Variants in CNTN5 observed in about 807,000 individuals in gnomAD.
The protein encoded by CNTN5 is contactin-5.
In CNTN5, 77 loss-of-function variants were observed where a neutral mutation model predicts 129.1. The ratio of observed to expected loss-of-function variants is 0.60; its 90% confidence interval spans 0.50 to 0.72. The LOEUF (loss-of-function observed/expected upper bound fraction) is 0.72, where lower values mean the gene tolerates loss of function less well. Ranked by LOEUF, CNTN5 falls within the 30% of genes least tolerant of loss-of-function variation. The probability of loss-of-function intolerance (pLI) is 0.00; values close to 1 mark genes in which losing one functional copy is unlikely to be tolerated. For missense variants in CNTN5, 1,478 were observed against 1,328.8 expected, an observed-to-expected ratio of 1.11 and a Z score of -1.75; for synonymous variants, 509 against 465.6, an observed-to-expected ratio of 1.09 and a Z score of -1.20.
intron 13 of CNTN5, among the ~76,000 whole-genome samples, chr11:100,173,625 A>C (rs75306523): frequency 0.017 from 2,553 of 152,236 alleles, 65 homozygotes; most frequent in African/African-American, 0.058. Flanking sequence ...AAAATGGTAG[A>C]GGTGGTAGTT....
chr11:99,166,522 A>G (rs1447566577), intron 1 of CNTN5, among the ~76,000 whole-genome samples: 1 of 152,190 alleles, frequency 6.6e-6, no homozygotes, highest in Non-Finnish European at 1.5e-5. Flanking sequence ...CAAAACAAAA[A>G]AATTGTGTAC....
chr11:99,981,625 T>G (rs1938355213), intron 8 of CNTN5, among the ~76,000 whole-genome samples: 1 of 152,178 alleles, frequency 6.6e-6, no homozygotes. Flanking sequence ...CAATTAAAAT[T>G]AACCATCACA....
chr11:99,427,644 T>C (rs1210831151), intron 2 of CNTN5, among the ~76,000 whole-genome samples: 1 of 151,534 alleles, frequency 6.6e-6, no homozygotes, highest in Non-Finnish European at 1.5e-5. Flanking sequence ...CACACACCTG[T>C]AGTCCCAGGT....
intron 1 of CNTN5, among the ~76,000 whole-genome samples, chr11:99,290,138 C>G (rs937459010): frequency 6.6e-6 from 1 of 151,562 alleles, no homozygotes; most frequent in Non-Finnish European, 1.5e-5. Context: ...AACTTAGGAC[C>G]CTTATATACT....
intron 3 of CNTN5, among the ~76,000 whole-genome samples, chr11:99,783,122 T>G (rs1457900492): frequency 9.0e-5 from 7 of 78,162 alleles, no homozygotes; most frequent in Admixed American, 1.3e-4. Flanking sequence ...CAAACAAATT[T>G]ACAAGAAAAA....
Position 99,727,322 on chromosome 11 carries a change from A to G in CNTN5, c.56-92222A>G, listed in dbSNP as rs865936098. ...AGCGAGACTCCGTCTCAAAAAAAAA[A>G]AAAAAAAAAAAATTCCAGGGCATTG... On this transcript the variant is annotated intron_variant, in intron 3 of 24. Transcript: ENST00000524871. Among the ~76,000 whole-genome samples the G allele has an allele frequency of 1.9e-3, 242 of 126,816 alleles. 19 individuals are homozygous for G. Among genetic ancestry groups the G allele is most frequent in the African/African-American group, 6.6e-3 (223 of 33,944 alleles). 83.2% of individuals were successfully genotyped at this position (126,816 alleles called of 152,430 possible).
chr11:100,156,330 C>T (rs943093885), intron 13 of CNTN5, among the ~76,000 whole-genome samples: 2 of 152,088 alleles, frequency 1.3e-5, no homozygotes, highest in Admixed American at 1.3e-4. Flanking sequence ...GTTGAACCAG[C>T]CCTGCATCCC....
rs555610306 is a variant in CNTN5 at position 100,031,572 on chromosome 11, A to C, written c.980+29436A>C. On this transcript the variant is annotated intron_variant, in intron 9 of 24. Coordinates refer to ENST00000524871, the MANE Select transcript of CNTN5 (RefSeq NM_014361.4). ...TAGGGTTAAGGTATACTCCCTTCTG[A>C]GAATTTCTGGTCTAACCAGTTGTCT... 5.9e-5 allele frequency among the ~76,000 whole-genome samples: 9 copies of C among 152,224 alleles called. No homozygotes were observed. The South Asian group carries it at 1.9e-3, about 32-fold the overall frequency.
At chr11:99,552,208 T>TTTTG (rs1246667350) in intron 2 of CNTN5, among the ~76,000 whole-genome samples, 12 of 129,250 alleles carry the variant, frequency 9.3e-5, no homozygotes, top group African/African-American at 3.8e-4. Context: ...ACCTGGTCAG[T>TTTTG]TTTTGTGTTT....
chr11:99,443,942 A>T (rs1343259405), intron 2 of CNTN5, among the ~76,000 whole-genome samples: 2 of 152,154 alleles, frequency 1.3e-5, no homozygotes, highest in African/African-American at 4.8e-5. Flanking sequence ...TCACGCGTGT[A>T]ATCCCAGCAC....
At chr11:100,277,712 T>C (rs1950545432) in intron 18 of CNTN5, among the ~76,000 whole-genome samples, 1 of 152,126 alleles carries the variant, frequency 6.6e-6, no homozygotes, top group Non-Finnish European at 1.5e-5. Context: ...TATATTCTGT[T>C]TATCAATCCT....
chr11:99,964,379 T>G (rs982274330), intron 8 of CNTN5, among the ~76,000 whole-genome samples: 7 of 152,220 alleles, frequency 4.6e-5, no homozygotes, highest in Non-Finnish European at 8.8e-5. Context: ...ATTGTTGAAT[T>G]TTGTCAAAGG....
At chr11:99,270,874 G>A (rs915248842) in intron 1 of CNTN5, among the ~76,000 whole-genome samples, 5 of 151,934 alleles carry the variant, frequency 3.3e-5, no homozygotes, top group African/African-American at 1.2e-4. Context: ...ATGCATGTTT[G>A]TATTCAACGT....
chr11:99,631,901 C>A (rs970360088), intron 3 of CNTN5, among the ~76,000 whole-genome samples: 1 of 152,056 alleles, frequency 6.6e-6, no homozygotes, highest in African/African-American at 2.4e-5. Context: ...AGAGACAGAC[C>A]ACATTCGTGT....
At chr11:100,313,812 A>G (rs1951523134) in intron 21 of CNTN5, among the ~76,000 whole-genome samples, 1 of 152,086 alleles carries the variant, frequency 6.6e-6, no homozygotes, top group South Asian at 2.1e-4. Context: ...GAGGCTGGCA[A>G]GAATAAATCA....
Position 100,249,221 on chromosome 11 carries a change from T to C in CNTN5, c.2006-6539T>C, listed in dbSNP as rs1040722344. On this transcript the variant is annotated intron_variant, in intron 16 of 24. Transcript: ENST00000524871. ...AAGGAGATATATATATATGTACACA[T>C]ATACATTTTATTCACTTTTCAGCTT... 8.2e-4 allele frequency among the ~76,000 whole-genome samples: 125 copies of C among 152,324 alleles called. 1 individual carries two copies. The highest frequency in any genetic ancestry group is 2.9e-3 in the African/African-American group (119 of 41,576).
At chr11:99,463,387 G>C (rs1265828125) in intron 2 of CNTN5, among the ~76,000 whole-genome samples, 1 of 139,142 alleles carries the variant, frequency 7.2e-6, no homozygotes, top group Non-Finnish European at 1.5e-5. Context: ...ACAGTGAGCC[G>C]AGATCGCGCC....
At chr11:99,742,106 T>A (rs1178777933) in intron 3 of CNTN5, among the ~76,000 whole-genome samples, 1 of 152,106 alleles carries the variant, frequency 6.6e-6, no homozygotes, top group East Asian at 1.9e-4. Context: ...GTCCATGTAA[T>A]TATAACACAA....
chr11:99,798,519 G>A (rs113122046), intron 3 of CNTN5, among the ~76,000 whole-genome samples: 10,697 of 152,158 alleles, frequency 0.07, 555 homozygotes, highest in African/African-American at 0.14. Context: ...TTTTTGAACA[G>A]GAGGTCCTTT....
Sources: gnomAD v4.1 joint callset for allele counts (sites outside exome capture counted in the v4.1 genomes callset) on GRCh38, gnomAD v4.1.1 for gene constraint, MANE v1.5 for transcripts, NCBI Gene and HGNC (gene_info 2026-07-23, HGNC 2026-07-21) for gene names.